ASTN1: variants seen among roughly 807,000 people sequenced by gnomAD.
The protein encoded by ASTN1 is astrotactin-1.
In ASTN1, 41 loss-of-function variants were observed where a neutral mutation model predicts 140.7. The ratio of observed to expected loss-of-function variants is 0.29; its 90% CI spans 0.23 to 0.38. ASTN1 has a LOEUF of 0.38. ASTN1 is among the 10% of genes least tolerant of loss of function. The pLI is 1.00. For missense variants in ASTN1, 1,479 were observed against 1,678.8 expected, an observed-to-expected ratio of 0.88 and a Z score of 2.08; for synonymous variants, 640 against 652.2, an observed-to-expected ratio of 0.98 and a Z score of 0.29.
At chr1:177,019,992 C>T (rs6662739) in intron 7 of ASTN1, among the ~76,000 whole-genome samples, 48,743 of 152,070 alleles carry the variant, frequency 0.32, 8,440 homozygotes, top group Non-Finnish European at 0.39. Flanking sequence ...TCAGGCAATC[C>T]TTTTGCCTCA....
intron 1 of ASTN1, among the ~76,000 whole-genome samples, chr1:177,102,166 T>C (rs185752074): frequency 1.3e-5 from 2 of 152,306 alleles, no homozygotes; most frequent in East Asian, 3.9e-4. Context: ...CTATAAGCTC[T>C]ATTGAGAGTA....
At chr1:177,028,145 TG>T (rs1217304574) in intron 5 of ASTN1, among the ~76,000 whole-genome samples, 1 of 152,166 alleles carries the variant, frequency 6.6e-6, no homozygotes, top group Non-Finnish European at 1.5e-5. Flanking sequence ...TAGGAGACCT[TG>T]GTATTTAAAA....
At position 177,029,626 on chromosome 1, in the gene ASTN1, A is replaced by G; in HGVS notation, c.1120+8T>C. 1 of 1,612,566 alleles carries G rather than the reference A, an allele frequency of 6.2e-7. No homozygotes were observed. Among genetic ancestry groups the G allele is most frequent in the Non-Finnish European group, 8.5e-7 (1 of 1,179,188 alleles). ...TTTACCACCTTCTGCCACCTCTATC[A>G]TTCCTACCTCTACTACGCCTCCTGC... On this transcript the variant is annotated splice_region_variant and intron_variant, in intron 5 of 22. Transcript: ENST00000361833.
intron 1 of ASTN1, among the ~76,000 whole-genome samples, chr1:177,142,514 G>A (rs1399441014): frequency 6.6e-6 from 1 of 152,074 alleles, no homozygotes; most frequent in Non-Finnish European, 1.5e-5. Context: ...AGTTTGGAAA[G>A]CCAGGCAAAT....
intron 16 of ASTN1, among the ~76,000 whole-genome samples, chr1:176,919,064 T>A (rs1670622090): frequency 6.6e-6 from 1 of 152,204 alleles, no homozygotes; most frequent in Non-Finnish European, 1.5e-5. Context: ...CATCCTAGCA[T>A]CCTATTCATT....
rs114474561 is a variant in ASTN1, at chr1:176,873,045, T to C, written c.3463+3492A>G. The stretch of plus-strand genomic sequence containing the variant: ...GTATTTAGTAAGGGCTTAATGTGTA[T>C]TGAATGACATAATGAATTCATGAAA... On this transcript the variant is annotated intron_variant, in intron 21 of 22. Transcript: ENST00000361833. Among the ~76,000 whole-genome samples the C allele has an allele frequency of 7.9e-3, 1,202 of 152,356 alleles. 13 individuals carry two copies. The highest frequency in any genetic ancestry group is 0.025 in the African/African-American group (1,043 of 41,580).
chr1:176,919,656 CA>C (rs1287103284), intron 16 of ASTN1, among the ~76,000 whole-genome samples: 3 of 152,152 alleles, frequency 2.0e-5, no homozygotes, highest in Non-Finnish European at 4.4e-5. Context: ...AGAAGTAAAA[CA>C]GACCAAATAA....
At position 177,140,032 on chromosome 1, in the gene ASTN1, C is replaced by T. The variant is rs1682391033; in HGVS notation, c.283+24362G>A. Among the ~76,000 whole-genome samples the T allele has an allele frequency of 2.0e-5, 3 of 152,288 alleles. No individual in the cohort carries two copies. The South Asian group carries it at 6.2e-4, about 32-fold the overall frequency. ...GAGAGACAGCATCCCCCAAACACCA[C>T]CATTTTGAACTCAAAAATGTCCAGT... On this transcript the variant is annotated intron_variant, in intron 1 of 22. Coordinates refer to ENST00000361833, the MANE Select transcript of ASTN1 (RefSeq NM_004319.3).
chr1:177,038,954 C>A lies in ASTN1; in HGVS notation c.472-6105G>T, dbSNP rs183850801. Among the ~76,000 whole-genome samples, 11 of 152,282 alleles carry A rather than the reference C, an allele frequency of 7.2e-5. No individual in the cohort carries two copies. In the East Asian group the frequency reaches 2.1e-3, roughly 29 times the overall value. On this transcript the variant is annotated intron_variant, in intron 2 of 22. Coordinates refer to ENST00000361833, the MANE Select transcript of ASTN1 (RefSeq NM_004319.3). ...GGCTAGAGGTAATACTCTGGTAACACCCCCATGGACCAGTGGAATCCTTCT... is the reference window on the plus strand; with the variant it reads ...GGCTAGAGGTAATACTCTGGTAACAACCCCATGGACCAGTGGAATCCTTCT...
intron 1 of ASTN1, among the ~76,000 whole-genome samples, chr1:177,162,992 A>G (rs61602186): frequency 5.2e-4 from 79 of 152,330 alleles, no homozygotes; most frequent in African/African-American, 1.7e-3. Flanking sequence ...GCAACTTTTC[A>G]AAGGGCCAGG....
At chr1:177,051,360 C>T (rs1677533660) in intron 2 of ASTN1, among the ~76,000 whole-genome samples, 1 of 152,212 alleles carries the variant, frequency 6.6e-6, no homozygotes, top group Admixed American at 6.5e-5. Flanking sequence ...TGGCCCACTG[C>T]CTGTTTTTGT....
intron 21 of ASTN1, among the ~76,000 whole-genome samples, chr1:176,871,794 A>C (rs1314046337): frequency 6.6e-6 from 1 of 152,226 alleles, no homozygotes. Flanking sequence ...AAAATAGTAT[A>C]GGTATTTTTA....
At chr1:177,065,105 C>T (rs1023830525) in intron 1 of ASTN1, among the ~76,000 whole-genome samples, 1 of 152,270 alleles carries the variant, frequency 6.6e-6, no homozygotes, top group African/African-American at 2.4e-5. Context: ...CTGAGGGTGT[C>T]GAGGAGGCTC....
At chr1:177,096,074 C>T (rs921919817) in intron 1 of ASTN1, among the ~76,000 whole-genome samples, 2 of 152,204 alleles carry the variant, frequency 1.3e-5, no homozygotes, top group African/African-American at 4.8e-5. Flanking sequence ...TCACTAGATT[C>T]TTCTTCCCTA....
chr1:177,164,313 G>A, intron 1 of ASTN1, 81 bp downstream of exon 1: 4 of 1,382,164 alleles, frequency 2.9e-6, no homozygotes, highest in Non-Finnish European at 3.9e-6. Context: ...GTCGGCGAGT[G>A]GGTGTGTAGA....
At chr1:177,163,140 C>T (rs906505850) in intron 1 of ASTN1, among the ~76,000 whole-genome samples, 1 of 152,118 alleles carries the variant, frequency 6.6e-6, no homozygotes, top group African/African-American at 2.4e-5. Flanking sequence ...GTGGCTCTAG[C>T]CTACATGTGG....
intron 8 of ASTN1, among the ~76,000 whole-genome samples, chr1:177,014,580 G>C (rs1360966009): frequency 6.6e-6 from 1 of 152,186 alleles, no homozygotes; most frequent in Non-Finnish European, 1.5e-5. Context: ...GCAGGGCTGC[G>C]AGTCAGAGGC....
At chr1:177,038,403 G>A (rs945658839) in intron 2 of ASTN1, among the ~76,000 whole-genome samples, 13 of 152,104 alleles carry the variant, frequency 8.5e-5, no homozygotes, top group East Asian at 1.9e-4. Context: ...AAAACGCAGC[G>A]CCTGGCATAA....
intron 7 of ASTN1, among the ~76,000 whole-genome samples, chr1:177,021,876 C>T (rs1318599587): frequency 6.6e-6 from 1 of 152,210 alleles, no homozygotes; most frequent in Non-Finnish European, 1.5e-5. Flanking sequence ...GCCCCCACCT[C>T]TGAGATTAGC....
Sources: allele counts gnomAD v4.1 joint callset (sites outside exome capture counted in the v4.1 genomes callset), GRCh38; gene constraint gnomAD v4.1.1; transcripts MANE v1.5; gene names NCBI Gene and HGNC (gene_info 2026-07-23, HGNC 2026-07-21).